The following IQSEC3 variants were observed in gnomAD, a reference collection of about 807,000 sequenced individuals.
The protein encoded by IQSEC3 is IQ motif and SEC7 domain-containing protein 3.
Under a neutral mutation model 105.4 loss-of-function variants are expected in IQSEC3, and 50 were observed. The observed-to-expected ratio is 0.47, with a 90% CI of 0.38 to 0.60. IQSEC3 has a LOEUF of 0.60. IQSEC3 is among the 20% of genes least tolerant of loss of function. IQSEC3 has a pLI of 0.00. For missense variants in IQSEC3, 1,415 were observed against 1,630.0 expected, an observed-to-expected ratio of 0.87 and a Z score of 2.27; for synonymous variants, 708 against 746.0, an observed-to-expected ratio of 0.95 and a Z score of 0.83.
intron 5 of IQSEC3, chr12:148,087 TG>T (rs1311649052): frequency 6.6e-6 from 1 of 152,192 alleles, no homozygotes; most frequent in Non-Finnish European, 1.5e-5. Flanking sequence ...ATGTTCTCAG[TG>T]TTGTCTCCAT....
intron 2 of IQSEC3, among the ~76,000 whole-genome samples, chr12:102,916 C>G (rs1555076606): frequency 6.6e-6 from 1 of 152,122 alleles, no homozygotes; most frequent in African/African-American, 2.4e-5. Context: ...TCTGCTGTGC[C>G]CTGGTTCCCC....
At chr12:156,934 T>G in intron 5 of IQSEC3, 91 bp from the exon 6 acceptor site, 3 of 1,392,476 alleles carry the variant, frequency 2.2e-6, no homozygotes. Context: ...GCCCTGCACC[T>G]GTCCTGGCTG....
chr12:157,740 G>A (rs782227054), intron 7 of IQSEC3, 46 bp downstream of exon 7: 18 of 1,575,746 alleles, frequency 1.1e-5, no homozygotes, highest in Admixed American at 1.7e-5. Flanking sequence ...CCACGGCTCA[G>A]GCCCCATTCT....
At position 139,082 on chromosome 12, in the gene IQSEC3, G is replaced by A; in HGVS notation, c.1719G>A (p.Glu573=). The A allele has an allele frequency of 1.3e-6, 2 of 1,492,990 alleles. No homozygotes were observed. Among genetic ancestry groups the A allele is most frequent in the Non-Finnish European group, 1.8e-6 (2 of 1,120,534 alleles). The allele number at this position is 1,492,990 out of a possible 1,614,324, so 92.5% of individuals were successfully genotyped here. Residue 573 remains glutamate (E), a synonymous_variant, in exon 4 of 14, where the codon GAG becomes GAA. Coordinates refer to ENST00000538872, the MANE Select transcript of IQSEC3 (RefSeq NM_001170738.2). The part of the protein sequence containing the change: ...ADGATAPKTE[E]EEEEEETAEV... ...GGGCCACAGCCCCCAAAACAGAGGA[G>A]GAAGAGGAGGAGGAGGAGACGGCGG...
chr12:162,996 G>A (rs1376336766), intron 8 of IQSEC3, among the ~76,000 whole-genome samples: 1 of 152,206 alleles, frequency 6.6e-6, no homozygotes, highest in Non-Finnish European at 1.5e-5. Flanking sequence ...CTGTGGCTCA[G>A]TGGGCCCCTT....
At chr12:146,681 G>A (rs1444105132) in intron 5 of IQSEC3, among the ~76,000 whole-genome samples, 11 of 144,960 alleles carry the variant, frequency 7.6e-5, no homozygotes, top group Admixed American at 4.1e-4. Context: ...GAGAGAAAGA[G>A]AGAGAGAGAG....
At position 165,751 on chromosome 12, in the gene IQSEC3, G is replaced by A. The variant is rs1555098182; in HGVS notation, c.2832G>A (p.Leu944=). The part of the protein sequence containing the change: ...ENEYYSHGIT[L]VTPLSGSEKK... ...CAGATTACTCTCATGGCATCACACT[G>A]GTGACCCCGCTCTCGGGCTCCGAGA... The change falls in exon 11 of 14, where the codon CTG becomes CTA. Residue 944 remains leucine (L), a synonymous_variant. Coordinates refer to ENST00000538872, the MANE Select transcript of IQSEC3 (RefSeq NM_001170738.2). The A allele has an allele frequency of 6.2e-7, 1 of 1,613,882 alleles. No individual in the cohort carries two copies.
chr12:167,392 G>C (rs533840061), intron 11 of IQSEC3: 1 of 152,350 alleles, frequency 6.6e-6, no homozygotes, highest in South Asian at 2.1e-4. Context: ...CAAAGTCACA[G>C]AGGAGCAGAT....
In IQSEC3 at chr12:149,697, G is replaced by A. The variant is rs141552251; in HGVS notation, c.2154-7328G>A. 1.6e-4 allele frequency among the ~76,000 whole-genome samples: 25 copies of A among 152,290 alleles called. No homozygotes were observed. The Middle Eastern group carries it at 0.014, about 83-fold the overall frequency. ...ACACAGGGAGATAAACGCAATGGTCGACAGAAGGTGGGTTCCGGGGACAAC... is the reference window on the plus strand; with the variant it reads ...ACACAGGGAGATAAACGCAATGGTCAACAGAAGGTGGGTTCCGGGGACAAC... On this transcript the variant is annotated intron_variant, in intron 5 of 13. Coordinates refer to ENST00000538872, the MANE Select transcript of IQSEC3 (RefSeq NM_001170738.2).
At position 139,021 on chromosome 12, in the gene IQSEC3, C is replaced by T; in HGVS notation, c.1658C>T (p.Ser553Leu). The change falls in exon 4 of 14, where the codon TCA becomes TTA. Residue 553 changes from serine to leucine, a missense_variant. By Grantham distance (145) the Ser-to-Leu change is moderately radical (BLOSUM62 -2). Coordinates refer to ENST00000538872, the MANE Select transcript of IQSEC3 (RefSeq NM_001170738.2). Reference protein sequence around the residue: ...VGREDASAEDSCAEAAASGAA... With the variant: ...VGREDASAEDLCAEAAASGAA... ...CGGGAGGACGCGTCAGCCGAGGACT[C>T]ATGCGCAGAGGCTGCGGCTAGTGGG... is the stretch of plus-strand genomic sequence containing the variant. 6.6e-7 allele frequency: 1 copy of T among 1,509,612 alleles called. No individual in the cohort carries two copies. Among genetic ancestry groups the T allele is most frequent in the Non-Finnish European group, 8.9e-7 (1 of 1,128,458 alleles). 93.5% of individuals were successfully genotyped at this position (1,509,612 alleles called of 1,614,324 possible).
chr12:107,714 GTCTGTTT>G lies in IQSEC3; in HGVS notation c.623+8504_623+8510del, dbSNP rs1260430286. Among the ~76,000 whole-genome samples the G allele has an allele frequency of 3.9e-5, 6 of 152,000 alleles. No homozygotes were observed. In the South Asian group the frequency reaches 1.0e-3, roughly 26 times the overall value. ...CGTGAGCCACCGCGCCCGGCCGGTA[GTCTGTTT>G]TCTAACTACCTTTTTGTTTATTCTC... On this transcript the variant is annotated intron_variant, in intron 2 of 13. Transcript: ENST00000538872.
chr12:141,423 A>C, intron 5 of IQSEC3, 138 bp downstream of exon 5: 1 of 901,926 alleles, frequency 1.1e-6, no homozygotes, highest in Non-Finnish European at 1.7e-6. Context: ...AGGAACCAGA[A>C]TCCCCTCTTT....
chr12:74,496 T>C (rs1322509542), intron 1 of IQSEC3, among the ~76,000 whole-genome samples: 4 of 152,284 alleles, frequency 2.6e-5, no homozygotes, highest in African/African-American at 9.6e-5. Flanking sequence ...GCAGACTGTT[T>C]TGCTGTTGCT....
intron 2 of IQSEC3, among the ~76,000 whole-genome samples, chr12:110,100 C>T (rs1430453698): frequency 6.6e-6 from 1 of 152,222 alleles, no homozygotes; most frequent in Non-Finnish European, 1.5e-5. Flanking sequence ...AACTCTTTCT[C>T]TCTCTGGCCC....
intron 13 of IQSEC3, among the ~76,000 whole-genome samples, chr12:173,597 GGACAGAT>G (rs1389998660): frequency 2.0e-5 from 3 of 152,206 alleles, no homozygotes; most frequent in African/African-American, 7.2e-5. Context: ...TGCTGCCCGA[GGACAGAT>G]GTCAGCCCAA....
intron 3 of IQSEC3, among the ~76,000 whole-genome samples, chr12:135,915 A>C (rs1236190135): frequency 6.6e-6 from 1 of 152,240 alleles, no homozygotes; most frequent in Non-Finnish European, 1.5e-5. Flanking sequence ...CCGAGCAGAT[A>C]ACCCAGATGA....
intron 3 of IQSEC3, 22 bp downstream of exon 3, chr12:125,934 G>GA: frequency 4.6e-6 from 7 of 1,526,838 alleles, no homozygotes; most frequent in Non-Finnish European, 5.2e-6. Context: ...CTCCTAGGGG[G>GA]GCGGGGAGGG....
intron 2 of IQSEC3, among the ~76,000 whole-genome samples, chr12:104,649 G>A (rs979799982): frequency 6.6e-6 from 1 of 152,136 alleles, no homozygotes; most frequent in African/African-American, 2.4e-5. Flanking sequence ...ACTTCCTCCC[G>A]GGCCGCCCGC....
intron 11 of IQSEC3, 105 bp downstream of exon 11, chr12:165,995 C>A: frequency 1.5e-6 from 2 of 1,327,858 alleles, no homozygotes; most frequent in Non-Finnish European, 2.1e-6. Context: ...GGCCCCACTT[C>A]GGACCCTCCC....
Sources: allele counts gnomAD v4.1 joint callset (sites outside exome capture counted in the v4.1 genomes callset), GRCh38; gene constraint gnomAD v4.1.1; transcripts MANE v1.5; gene names NCBI Gene and HGNC (gene_info 2026-07-23, HGNC 2026-07-21).